The following ITGAL variants were observed in gnomAD, a reference collection of about 807,000 sequenced individuals.
ITGAL encodes the protein integrin subunit alpha L.
ITGAL carries 68 observed loss-of-function variants against 138.4 expected under a neutral mutation model. That is an observed-to-expected ratio of 0.49 (90% confidence interval 0.40 to 0.60). The LOEUF (loss-of-function observed/expected upper bound fraction) is 0.60, where lower values mean the gene tolerates loss of function less well. Ranked by LOEUF, ITGAL falls within the 20% of genes least tolerant of loss-of-function variation. The pLI is 0.00. For missense variants in ITGAL, 1,256 were observed against 1,478.6 expected (o/e 0.85, Z 2.47); for synonymous variants, 561 against 584.3 (o/e 0.96, Z 0.57).
Position 30,496,153 on chromosome 16 carries a change from G to A in ITGAL, c.1560G>A (p.Arg520=), listed in dbSNP as rs762195910. Residue 520 remains arginine (R), a synonymous_variant, in exon 14 of 31, where the codon CGG becomes CGA. Coordinates refer to ENST00000356798, the MANE Select transcript of ITGAL (RefSeq NM_002209.3). ...LQGDPGYPLG[R]FGEAITALTD... is the part of the protein sequence containing the mutation. ...GGGACCCCGGCTACCCACTCGGGCG[G>A]TTTGGAGAAGCCATCACTGCTCTGA... The A allele has an allele frequency of 1.9e-6, 3 of 1,614,110 alleles. No individual in the cohort carries two copies. Among genetic ancestry groups the A allele is most frequent in the Non-Finnish European group, 2.5e-6 (3 of 1,180,016 alleles).
At chr16:30,513,198 A>G (rs1279839796) in intron 24 of ITGAL, among the ~76,000 whole-genome samples, 1 of 152,220 alleles carries the variant, frequency 6.6e-6, no homozygotes, top group Non-Finnish European at 1.5e-5. Context: ...CATGGCCCAG[A>G]CAAAGGCAAG....
At chr16:30,516,516 C>T (rs772134931) in intron 25 of ITGAL, among the ~76,000 whole-genome samples, 2 of 152,092 alleles carry the variant, frequency 1.3e-5, no homozygotes, top group African/African-American at 4.8e-5. Context: ...AGGTGTGAGC[C>T]ACCACACTAG....
intron 11 of ITGAL, among the ~76,000 whole-genome samples, chr16:30,493,926 ATCC>A (rs1452287747): frequency 2.0e-5 from 3 of 152,102 alleles, no homozygotes; most frequent in Non-Finnish European, 4.4e-5. Flanking sequence ...TTCCTTACTA[ATCC>A]TCAGGTAAAC....
rs2051263132 is a variant in ITGAL at position 30,522,134 on chromosome 16, A to T, written c.*469A>T. On this transcript the variant is annotated 3_prime_UTR_variant, in exon 31 of 31. Transcript: ENST00000356798. This position sits in a 1 kb window ranked among gnomAD's most constrained non-coding sequence, Gnocchi z 4.0. ...ACCTGTGTCACTACGTGACTGTGGC[A>T]CACGCCTTGTTCTTGGCCAAAGACC... is the stretch of plus-strand genomic sequence containing the variant. 6.4e-6 allele frequency: 1 copy of T among 156,096 alleles called. No homozygotes were observed. The highest frequency in any genetic ancestry group is 1.9e-4 in the South Asian group (1 of 5,150). 9.7% of individuals were successfully genotyped at this position (156,096 alleles called of 1,614,324 possible).
At chr16:30,486,276 G>A (rs11643652) in intron 9 of ITGAL, among the ~76,000 whole-genome samples, 25,480 of 152,026 alleles carry the variant, frequency 0.17, 2,598 homozygotes, top group Non-Finnish European at 0.23. Context: ...TGAGGCAGGC[G>A]GATCACTTGA....
chr16:30,500,877 G>A (rs939625320), intron 17 of ITGAL, among the ~76,000 whole-genome samples: 48 of 152,232 alleles, frequency 3.2e-4, no homozygotes, highest in Admixed American at 2.0e-4. Context: ...GTTGGCACAT[G>A]CCTGTGATCC....
chr16:30,506,689 C>T, intron 20 of ITGAL, 26 bp from the exon 21 acceptor site: 1 of 1,591,550 alleles, frequency 6.3e-7, no homozygotes. Context: ...CTCCCTCCTC[C>T]ATCTTTCCCT....
chr16:30,500,424 G>A (rs1368245205), intron 17 of ITGAL, among the ~76,000 whole-genome samples: 1 of 151,812 alleles, frequency 6.6e-6, no homozygotes, highest in Non-Finnish European at 1.5e-5. Flanking sequence ...TTACTTTGTT[G>A]CCCAGGCTGG....
At chr16:30,475,471 G>A (rs752970823) in intron 3 of ITGAL, 42 bp from the exon 4 acceptor site, 26 of 1,603,722 alleles carry the variant, frequency 1.6e-5, no homozygotes, top group Non-Finnish European at 2.2e-5. Context: ...AGCCCACCTA[G>A]ACTGCCTGAG....
At chr16:30,474,155 G>A in intron 1 of ITGAL, 41 bp from the exon 2 acceptor site, 1 of 1,447,778 alleles carries the variant, frequency 6.9e-7, no homozygotes, top group Non-Finnish European at 9.5e-7. Flanking sequence ...TGCAGGGGCG[G>A]GGGTCCCTCG....
At position 30,492,255 on chromosome 16, in the gene ITGAL, CTT is replaced by C. The variant is rs34570222; in HGVS notation, c.1214-1943_1214-1942del. Among the ~76,000 whole-genome samples the C allele has an allele frequency of 7.9e-3, 1,026 of 130,684 alleles. 6 individuals are homozygous for C. The highest frequency in any genetic ancestry group is 0.024 in the African/African-American group (852 of 34,846). 85.7% of individuals were successfully genotyped at this position (130,684 alleles called of 152,430 possible). A position where few individuals can be genotyped will look rare whatever the true frequency, so the allele number is the denominator to read the frequency against. ...GACACTGACATGATATCTTTTTTTT[CTT>C]TTTTTTTTTTTTTGAGACTGAGTCT... On this transcript the variant is annotated intron_variant, in intron 11 of 30. Coordinates refer to ENST00000356798, the MANE Select transcript of ITGAL (RefSeq NM_002209.3).
At chr16:30,498,715 A>G (rs11574945) in intron 15 of ITGAL, 7,984 of 188,690 alleles carry the variant, frequency 0.042, 258 homozygotes, top group African/African-American at 0.089. Flanking sequence ...CCTGGACAAC[A>G]TAGGAAGGTC....
At chr16:30,506,937 C>G in intron 21 of ITGAL, 81 bp downstream of exon 21, 1 of 1,507,012 alleles carries the variant, frequency 6.6e-7, no homozygotes, top group South Asian at 1.2e-5. Flanking sequence ...GCAGCCAGGA[C>G]AGCCTGAACA....
At chr16:30,504,390 T>C in intron 18 of ITGAL, 126 bp downstream of exon 18, 1 of 701,224 alleles carries the variant, frequency 1.4e-6, no homozygotes, top group Non-Finnish European at 2.5e-6. Context: ...AGTGGGTGGA[T>C]CACTTAAGGT....
chr16:30,519,661 C>A, intron 29 of ITGAL, 196 bp from the exon 30 acceptor site: 1 of 582,410 alleles, frequency 1.7e-6, no homozygotes, highest in Non-Finnish European at 3.1e-6. Context: ...AGGCCTAGGG[C>A]TGCCTAAGGT....
At chr16:30,478,712 A>AAAAG (rs1567462780) in intron 4 of ITGAL, among the ~76,000 whole-genome samples, 1 of 151,442 alleles carries the variant, frequency 6.6e-6, no homozygotes, top group African/African-American at 2.4e-5. Context: ...AAAAAAAAAA[A>AAAAG]AAAGAAAGAA....
intron 29 of ITGAL, among the ~76,000 whole-genome samples, chr16:30,519,246 G>A (rs536790492): frequency 1.3e-5 from 2 of 152,216 alleles, no homozygotes; most frequent in East Asian, 3.9e-4. Flanking sequence ...AGAGGCAGGC[G>A]TGGTGGTTCA....
chr16:30,479,030 T>C (rs1471362137), intron 4 of ITGAL, 61 bp from the exon 5 acceptor site: 2 of 1,270,110 alleles, frequency 1.6e-6, no homozygotes, highest in Non-Finnish European at 2.3e-6. Flanking sequence ...TTTTGGTTGA[T>C]GTTGCCCAAA....
chr16:30,516,291 A>G (rs2051165048), intron 25 of ITGAL, among the ~76,000 whole-genome samples: 2 of 150,858 alleles, frequency 1.3e-5, no homozygotes, highest in Non-Finnish European at 2.9e-5. Context: ...GTGCAGTGGC[A>G]TGATCTCGGC....
Sources: allele counts gnomAD v4.1 joint callset (sites outside exome capture counted in the v4.1 genomes callset), GRCh38; gene constraint gnomAD v4.1.1; non-coding constraint Gnocchi (gnomAD v3.1); transcripts MANE v1.5; gene names NCBI Gene and HGNC (gene_info 2026-07-23, HGNC 2026-07-21).